Variants in PRSS53 observed in about 807,000 individuals in gnomAD.
PRSS53 encodes the protein EDTP308.
Under a neutral mutation model 62.7 loss-of-function variants are expected in PRSS53, and 54 were observed. That is an observed-to-expected ratio of 0.86 (90% CI 0.69 to 1.08). The LOEUF (loss-of-function observed/expected upper bound fraction) is 1.08. Ranked by LOEUF, PRSS53 falls within the 50% of genes least tolerant of loss-of-function variation. PRSS53 has a pLI of 0.00. For synonymous variants in PRSS53, 273 were observed against 300.0 expected (o/e 0.91, Z 0.93); for missense variants, 688 against 728.3 (o/e 0.94, Z 0.64).
At position 31,084,794 on chromosome 16, in the gene PRSS53, GC is replaced by G; in HGVS notation, c.1264del (p.Ala422ProfsTer15). On this transcript the variant is annotated frameshift_variant, in exon 8 of 11. Transcript: ENST00000280606. LOFTEE classifies it high-confidence loss of function. ...TGCCCACCTACCTGCTCCTGGGCGG[GC>G]CCGTCCCAGAACCCAGCCACGCTCC... is the stretch of plus-strand genomic sequence containing the variant. The G allele has an allele frequency of 3.2e-6, 5 of 1,548,304 alleles. No individual in the cohort carries two copies. The highest frequency in any genetic ancestry group is 4.4e-6 in the Non-Finnish European group (5 of 1,143,356).
At chr16:31,085,343 G>C in intron 6 of PRSS53, 83 bp from the exon 7 acceptor site, 1 of 1,419,910 alleles carries the variant, frequency 7.0e-7, no homozygotes, top group Non-Finnish European at 9.3e-7. Context: ...TTTTGAAATT[G>C]AATTTTGTTC....
intron 1 of PRSS53, 116 bp downstream of exon 1, chr16:31,088,636 C>T: frequency 1.3e-6 from 2 of 1,563,506 alleles, no homozygotes; most frequent in Non-Finnish European, 1.7e-6. Flanking sequence ...TACATCCCCA[C>T]TGGTGGACTG....
chr16:31,083,833 AGTT>A, intron 10 of PRSS53, 24 bp from the exon 11 acceptor site: 1 of 1,613,954 alleles, frequency 6.2e-7, no homozygotes, highest in Admixed American at 1.7e-5. Flanking sequence ...AGGAGGGTGG[AGTT>A]GTCCTCATCC....
exon 5 of PRSS53, chr16:31,086,394 C>A (rs752254477): frequency 6.2e-7 from 1 of 1,613,942 alleles, no homozygotes; most frequent in African/African-American, 1.3e-5. Context: ...CAGGCCGGGC[C>A]GGGTTGGACA....
At chr16:31,084,576 A>T (rs780867196) in exon 9 of PRSS53, 1 of 1,606,020 alleles carries the variant, frequency 6.2e-7, no homozygotes, top group South Asian at 1.1e-5. Context: ...TGGGCAGCTC[A>T]CCCACAGCAC....
chr16:31,084,340 CA>C lies in PRSS53; in HGVS notation c.1426-6del. 6.2e-7 allele frequency: 1 copy of C among 1,609,608 alleles called. No homozygotes were observed. The highest frequency in any genetic ancestry group is 8.5e-7 in the Non-Finnish European group (1 of 1,178,792). Reference sequence around the variant, plus strand: ...CAGTGGTGCCCCAGACAGGCCCTGTCAGGGGTCAGGTGACACTGGGTGACTT... The same window carrying C: ...CAGTGGTGCCCCAGACAGGCCCTGTCGGGGTCAGGTGACACTGGGTGACTT... On this transcript the variant is annotated splice_region_variant and splice_polypyrimidine_tract_variant and intron_variant, in intron 9 of 10. Coordinates refer to ENST00000280606, the Ensembl canonical transcript of PRSS53.
exon 11 of PRSS53, chr16:31,083,663 C>G: frequency 1.3e-6 from 2 of 1,558,224 alleles, no homozygotes; most frequent in Non-Finnish European, 1.7e-6. Context: ...GGTTCCTTCC[C>G]ACAGCTGCTG....
Position 31,084,715 on chromosome 16 carries a change from G to C in PRSS53, c.1280-12C>G. The C allele has an allele frequency of 6.2e-7, 1 of 1,606,818 alleles. No homozygotes were observed. The highest frequency in any genetic ancestry group is 8.5e-7 in the Non-Finnish European group (1 of 1,175,458). On this transcript the variant is annotated splice_polypyrimidine_tract_variant and intron_variant, in intron 8 of 10. Coordinates refer to ENST00000280606, the Ensembl canonical transcript of PRSS53. Reference sequence around the variant, plus strand: ...GAGGGAGCTGATGCCTGTGGAGCAAGGGAAAGCTGGCTGCCCCGGCCTGCA... The same window carrying C: ...GAGGGAGCTGATGCCTGTGGAGCAACGGAAAGCTGGCTGCCCCGGCCTGCA...
intron 1 of PRSS53, chr16:31,088,217 G>A: frequency 1.7e-6 from 2 of 1,156,910 alleles, no homozygotes; most frequent in Non-Finnish European, 2.1e-6. Flanking sequence ...AAGGATTAGA[G>A]GCCTGCATCA....
At chr16:31,088,920 T>C (rs1439608727) in exon 1 of PRSS53, 2 of 1,532,496 alleles carry the variant, frequency 1.3e-6, no homozygotes, top group Non-Finnish European at 1.8e-6. Context: ...GCTGTCTGCT[T>C]GCCCTAGCCA....
chr16:31,086,855 A>T (rs1386050557), exon 4 of PRSS53: 6 of 1,608,946 alleles, frequency 3.7e-6, no homozygotes, highest in Non-Finnish European at 5.1e-6. Flanking sequence ...CGCTGCAGAG[A>T]ACCCAGGACC....
At chr16:31,087,120 C>T (rs1361759301) in intron 3 of PRSS53, 15 of 550,140 alleles carry the variant, frequency 2.7e-5, no homozygotes, top group Middle Eastern at 4.7e-4. Flanking sequence ...ACCTCAGCCT[C>T]GTGAGTAGCT....
Position 31,085,022 on chromosome 16 carries a change from C to T in PRSS53, c.1037G>A (p.Arg346His), listed in dbSNP as rs377232515. The T allele has an allele frequency of 4.9e-5, 78 of 1,597,798 alleles. No individual in the cohort carries two copies. The highest frequency in any genetic ancestry group is 1.7e-4 in the Middle Eastern group (1 of 5,992). The change falls in exon 8 of 11, where the codon CGC (arginine) becomes CAC (histidine). Residue 346 changes from arginine (R) to histidine (H), a missense_variant and splice_region_variant. Transcript: ENST00000280606. ...TACGCTCCATTCCTCTGGGGCCTGGCGCCTGTGCAGAGGCAGTGTGGACGG... is the reference window on the plus strand; with the variant it reads ...TACGCTCCATTCCTCTGGGGCCTGGTGCCTGTGCAGAGGCAGTGTGGACGG...
chr16:31,085,911 T>A, intron 6 of PRSS53, 53 bp downstream of exon 6: 1 of 1,521,986 alleles, frequency 6.6e-7, no homozygotes, highest in Non-Finnish European at 9.1e-7. Flanking sequence ...TAGTCCTAAC[T>A]GAGGTTTGCT....
intron 1 of PRSS53, chr16:31,088,266 C>G: frequency 1.8e-6 from 2 of 1,136,470 alleles, no homozygotes; most frequent in Non-Finnish European, 2.2e-6. Flanking sequence ...GGAGACTTAC[C>G]TCACCCTGGT....
At chr16:31,088,019 C>A in intron 1 of PRSS53, 193 bp from the exon 2 acceptor site, 1 of 1,475,594 alleles carries the variant, frequency 6.8e-7, no homozygotes, top group Non-Finnish European at 9.0e-7. Flanking sequence ...AGTGTGCACA[C>A]TCAGTAATTA....
chr16:31,086,811 C>G, exon 4 of PRSS53: 1 of 1,613,652 alleles, frequency 6.2e-7, no homozygotes. Context: ...GGGCAGCCAC[C>G]CCCACCTCTT....
chr16:31,088,047 C>T, intron 1 of PRSS53: 2 of 1,438,516 alleles, frequency 1.4e-6, no homozygotes, highest in Non-Finnish European at 1.8e-6. Flanking sequence ...TTCAGCTGTG[C>T]TCAGCACTCT....
rs972271336 is a variant in PRSS53, at chr16:31,087,112, C to G, written c.243-214G>C. On this transcript the variant is annotated intron_variant, in intron 3 of 10. Transcript: ENST00000280606. ...TCCCAGGCTCAAGCGATCCTCCCAC[C>G]TCAGCCTCGTGAGTAGCTGGGACTA... The G allele has an allele frequency of 5.4e-6, 3 of 557,850 alleles. No homozygotes were observed. In the African/African-American group the frequency reaches 5.8e-5, roughly 11 times the overall value. The allele number at this position is 557,850 out of a possible 1,614,324, so 34.6% of individuals were successfully genotyped here.
Sources: allele counts gnomAD v4.1 joint callset, GRCh38; gene constraint gnomAD v4.1.1; transcripts MANE v1.5; gene names NCBI Gene and HGNC (gene_info 2026-07-23, HGNC 2026-07-21).